The following ATP2C1 variants were observed in gnomAD, a reference collection of about 807,000 sequenced individuals.
ATP2C1 encodes ATPase secretory pathway Ca2+ transporting 1.
Under a neutral mutation model 120.5 loss-of-function variants are expected in ATP2C1, and 31 were observed. The ratio of observed to expected loss-of-function variants is 0.26; its 90% confidence interval spans 0.19 to 0.35. The LOEUF (loss-of-function observed/expected upper bound fraction) is 0.35, where lower values mean the gene tolerates loss of function less well. Among genes scored for constraint, ATP2C1 ranks in the 10% least tolerant of loss-of-function variants. ATP2C1 has a pLI of 1.00. For missense variants in ATP2C1, 731 were observed against 1,107.5 expected, an observed-to-expected ratio of 0.66 and a Z score of 4.83; for synonymous variants, 351 against 358.7, an observed-to-expected ratio of 0.98 and a Z score of 0.24.
At chr3:130,850,988 C>T (rs2067657460) in intron 1 of ATP2C1, 4 of 936,202 alleles carry the variant, frequency 4.3e-6, no homozygotes, top group African/African-American at 3.4e-5. Context: ...GTTGCTTTTA[C>T]GTCGCTTAGT....
chr3:130,927,839 A>T (rs2059283545), intron 2 of ATP2C1: 1 of 153,198 alleles, frequency 6.5e-6, no homozygotes, highest in Admixed American at 6.5e-5. Flanking sequence ...CCACCTGCAG[A>T]CAGAGCTTAA....
intron 8 of ATP2C1, among the ~76,000 whole-genome samples, chr3:130,952,713 A>T (rs577754689): frequency 6.6e-6 from 1 of 152,326 alleles, no homozygotes; most frequent in African/African-American, 2.4e-5. Flanking sequence ...AAAATCAGTA[A>T]AGTCATGAAC....
intron 12 of ATP2C1, among the ~76,000 whole-genome samples, chr3:130,961,013 G>T (rs2060794543): frequency 6.6e-6 from 1 of 150,952 alleles, no homozygotes. Flanking sequence ...AAGTCAAATA[G>T]ATTACAAGGA....
chr3:131,014,363 G>A (rs373493602), intron 26 of ATP2C1: 68 of 1,605,036 alleles, frequency 4.2e-5, no homozygotes, highest in African/African-American at 1.8e-4. Flanking sequence ...GGCATAGTCC[G>A]TGCACCAGGC....
At chr3:130,998,032 C>T (rs1193830522) in intron 25 of ATP2C1, among the ~76,000 whole-genome samples, 1 of 151,722 alleles carries the variant, frequency 6.6e-6, no homozygotes, top group Non-Finnish European at 1.5e-5. Context: ...AATCATAGAG[C>T]CACTTTATTA....
At chr3:130,914,159 CT>C (rs113027823) in intron 2 of ATP2C1, among the ~76,000 whole-genome samples, 26,709 of 151,182 alleles carry the variant, frequency 0.18, 2,500 homozygotes, top group Middle Eastern at 0.24. Flanking sequence ...GAGTTTTAGA[CT>C]TTTTTTTTAA....
intron 2 of ATP2C1, among the ~76,000 whole-genome samples, chr3:130,929,676 T>A (rs1262394368): frequency 2.6e-5 from 4 of 152,196 alleles, no homozygotes. Context: ...GAATCTCAGC[T>A]TAGGACTCAA....
intron 26 of ATP2C1, chr3:131,014,442 A>G (rs1321023571): frequency 6.7e-7 from 1 of 1,487,074 alleles, no homozygotes; most frequent in African/African-American, 1.4e-5. Context: ...GTGCAACAGG[A>G]TAACTACCAT....
chr3:130,859,932 A>G lies in ATP2C1; in HGVS notation c.108+9004A>G, dbSNP rs544043311. Among the ~76,000 whole-genome samples the G allele has an allele frequency of 6.0e-4, 92 of 152,296 alleles. 1 individual carries two copies. Among genetic ancestry groups the G allele is most frequent in the African/African-American group, 2.1e-3 (87 of 41,594 alleles). ...TATCACAAGCATCAAAAAAATCTAG[A>G]AAATAAGTGTTTTTACCAATTAAAA... On this transcript the variant is annotated intron_variant, in intron 1 of 26. Coordinates refer to the ATP2C1 transcript ENST00000504381.
In ATP2C1 at chr3:130,932,255, T is replaced by C. The variant is rs567511582; in HGVS notation, c.234+117T>C. 35 of 724,894 alleles carry C rather than the reference T, an allele frequency of 4.8e-5. No homozygotes were observed. In the African/African-American group the frequency reaches 5.9e-4, roughly 12 times the overall value. 44.9% of individuals were successfully genotyped at this position (724,894 alleles called of 1,614,324 possible). ...GAGAAAGGAAATAATTTTTAGATGT[T>C]TTTTACCTAAAATTTTTCATTTGTT... is the stretch of plus-strand genomic sequence containing the variant. On this transcript the variant is annotated intron_variant, in intron 4 of 27. Transcript: ENST00000510168.
In ATP2C1 at chr3:130,975,430, G is replaced by C. The variant is rs1230612699; in HGVS notation, c.1512G>C (p.Gln504His). The change falls in exon 18 of 28, where the codon CAG becomes CAC. Residue 504 changes from glutamine (Q) to histidine (H), a missense_variant. By Grantham distance (24) the Gln-to-His change is conservative (BLOSUM62 0). Coordinates refer to ENST00000510168, the MANE Select transcript of ATP2C1 (RefSeq NM_001378687.1). ...AAGGGCAGACCTTGACACTTACTCA[G>C]CAGCAGAGAGATGTGTACCAACAAG... ...QSKGQTLTLT[Q>H]QQRDVYQQEK... The C allele has an allele frequency of 1.9e-6, 3 of 1,613,802 alleles. No homozygotes were observed. In the Admixed American group the frequency reaches 5.0e-5, roughly 27 times the overall value.
chr3:130,924,093 A>G (rs1169288479), intron 2 of ATP2C1, among the ~76,000 whole-genome samples: 3 of 150,554 alleles, frequency 2.0e-5, no homozygotes, highest in Non-Finnish European at 4.4e-5. Flanking sequence ...GATGTGAGGT[A>G]CTGTTGTTTT....
intron 1 of ATP2C1, among the ~76,000 whole-genome samples, chr3:130,858,088 G>C (rs2067900713): frequency 6.6e-6 from 1 of 152,154 alleles, no homozygotes; most frequent in South Asian, 2.1e-4. Flanking sequence ...GACTCAGCCA[G>C]TTTCCTCATG....
chr3:130,944,609 TTGAC>T (rs772365178), intron 8 of ATP2C1, among the ~76,000 whole-genome samples: 1 of 152,190 alleles, frequency 6.6e-6, no homozygotes, highest in Non-Finnish European at 1.5e-5. Flanking sequence ...TACTATAACA[TTGAC>T]TGTAGAGCTA....
intron 7 of ATP2C1, among the ~76,000 whole-genome samples, 165 bp downstream of exon 7, chr3:130,940,856 T>C (rs181848476): frequency 4.2e-4 from 63 of 150,492 alleles, no homozygotes; most frequent in African/African-American, 1.3e-3. Flanking sequence ...AACTGTACCA[T>C]TGAAAACTTT....
At chr3:130,903,766 T>C (rs993650667) in intron 2 of ATP2C1, among the ~76,000 whole-genome samples, 5 of 148,456 alleles carry the variant, frequency 3.4e-5, no homozygotes, top group Admixed American at 3.4e-4. Flanking sequence ...AAAATAATTG[T>C]TGCTCACTGA....
chr3:130,996,838 G>A, intron 24 of ATP2C1, 42 bp downstream of exon 24: 3 of 1,275,510 alleles, frequency 2.4e-6, no homozygotes, highest in Non-Finnish European at 3.4e-6. Context: ...GACAAGGAAT[G>A]TGTACTACCC....
intron 1 of ATP2C1, among the ~76,000 whole-genome samples, chr3:130,865,621 C>T (rs530713635): frequency 2.0e-4 from 30 of 152,262 alleles, no homozygotes; most frequent in South Asian, 8.3e-4. Context: ...CCAGTCTTCC[C>T]GGAGCTATTC....
At chr3:130,940,776 A>G in intron 7 of ATP2C1, 85 bp downstream of exon 7, 2 of 1,044,800 alleles carry the variant, frequency 1.9e-6, no homozygotes, top group Non-Finnish European at 3.0e-6. Context: ...TGTTATCCCC[A>G]CTTTGTCTGA....
Sources: gnomAD v4.1 joint callset for allele counts (sites outside exome capture counted in the v4.1 genomes callset) on GRCh38, gnomAD v4.1.1 for gene constraint, MANE v1.5 for transcripts, NCBI Gene and HGNC (gene_info 2026-07-23, HGNC 2026-07-21) for gene names.